The following MYOM1 variants were observed in gnomAD, a reference collection of about 807,000 sequenced individuals.
MYOM1 encodes the protein myomesin 1.
A neutral mutation model predicts 205.3 loss-of-function variants in MYOM1; 164 were observed. That is an observed-to-expected ratio of 0.80 (90% confidence interval 0.70 to 0.91). The LOEUF (loss-of-function observed/expected upper bound fraction) is 0.91. MYOM1 is among the 40% of genes least tolerant of loss of function. The pLI, the probability that MYOM1 is intolerant of heterozygous loss-of-function variation, is 0.00. For missense variants in MYOM1, 2,011 were observed against 2,127.3 expected (o/e 0.95, Z 1.08); for synonymous variants, 772 against 789.4 (o/e 0.98, Z 0.37).
At chr18:3,185,530 T>C (rs903746872) in intron 5 of MYOM1, among the ~76,000 whole-genome samples, 1 of 152,280 alleles carries the variant, frequency 6.6e-6, no homozygotes, top group Admixed American at 6.5e-5. Context: ...TAGGAAAGTT[T>C]GGAATTTTTT....
chr18:3,210,643 T>A (rs1026741705), intron 2 of MYOM1, among the ~76,000 whole-genome samples: 2 of 152,172 alleles, frequency 1.3e-5, no homozygotes, highest in Non-Finnish European at 2.9e-5. Context: ...TCTTGGTTAT[T>A]TTGGTATTCA....
chr18:3,142,273 T>C (rs1041710064), intron 13 of MYOM1, among the ~76,000 whole-genome samples: 4 of 152,032 alleles, frequency 2.6e-5, no homozygotes, highest in African/African-American at 9.7e-5. Flanking sequence ...TGGTTTTTTT[T>C]GGAGGGGGGG....
At chr18:3,199,374 TG>T (rs2081036105) in intron 2 of MYOM1, among the ~76,000 whole-genome samples, 1 of 152,124 alleles carries the variant, frequency 6.6e-6, no homozygotes, top group Non-Finnish European at 1.5e-5. Context: ...CAGGAAGATC[TG>T]GAAAATAAGG....
rs1227387683 is a variant in MYOM1 at position 3,157,798 on chromosome 18, G to A, written c.1502-2710C>T. Among the ~76,000 whole-genome samples, 14 of 151,632 alleles carry A rather than the reference G, an allele frequency of 9.2e-5. 1 individual carries two copies. The highest frequency in any genetic ancestry group is 9.2e-4 in the Admixed American group (14 of 15,192). On this transcript the variant is annotated intron_variant, in intron 10 of 37. Transcript: ENST00000356443. Reference sequence around the variant, plus strand: ...ACTTGGGATGACAAGAGGCAGCTGTGAAGCAAGGAAACACAGTATTTGGCT... The same window carrying A: ...ACTTGGGATGACAAGAGGCAGCTGTAAAGCAAGGAAACACAGTATTTGGCT...
chr18:3,242,320 C>T, the MYOM1 span, among the ~76,000 whole-genome samples: 2 of 152,072 alleles, frequency 1.3e-5, no homozygotes, highest in Non-Finnish European at 2.9e-5. Flanking sequence ...CTGTGCTATT[C>T]TCATGATAGT....
chr18:3,182,085 G>C (rs1362273815), intron 5 of MYOM1, among the ~76,000 whole-genome samples: 1 of 152,124 alleles, frequency 6.6e-6, no homozygotes, highest in Admixed American at 6.6e-5. Context: ...TGAGGATCTA[G>C]TCCAGTGTCC....
At position 3,140,079 on chromosome 18, in the gene MYOM1, C is replaced by A. The variant is rs548534933; in HGVS notation, c.2025+1860G>T. On this transcript the variant is annotated intron_variant, in intron 14 of 37. Transcript: ENST00000356443. ...ACACTAGGAAATGAACATTGATCCA[C>A]CACTCTATTTTTGCCATCTATTTTC... 5.3e-5 allele frequency among the ~76,000 whole-genome samples: 8 copies of A among 152,306 alleles called. No individual in the cohort carries two copies. In the East Asian group the frequency reaches 5.8e-4, roughly 11 times the overall value.
chr18:3,119,984 C>T lies in MYOM1; in HGVS notation c.3003G>A (p.Leu1001=), dbSNP rs754487227. The change falls in exon 20 of 38, where the codon TTG becomes TTA. Residue 1001 remains leucine, a synonymous_variant. Transcript: ENST00000356443. The part of the protein sequence containing the change: ...VSEEAYKISN[L]KENMVYQFQV... The stretch of plus-strand genomic sequence containing the variant: ...GGAACTGATACACCATGTTTTCCTT[C>T]AAGTTGCTAATCTGCAACATTGACA... 4.4e-6 allele frequency: 7 copies of T among 1,599,482 alleles called. No individual in the cohort carries two copies. The highest frequency in any genetic ancestry group is 1.7e-4 in the Middle Eastern group (1 of 5,962).
At chr18:3,204,380 T>G (rs2081106045) in intron 2 of MYOM1, among the ~76,000 whole-genome samples, 1 of 151,926 alleles carries the variant, frequency 6.6e-6, no homozygotes, top group African/African-American at 2.4e-5. Context: ...TTCAGCAAGG[T>G]CATAGGATAT....
rs778413922 is a variant in MYOM1, at chr18:3,129,428, C to G, written c.2598G>C (p.Pro866=). ...GCAAAGCATCTTTCTGGAAGGTTGG[C>G]GGGGAGGCTTCATGCACGCGCCCCC... is the stretch of plus-strand genomic sequence containing the variant. The part of the protein sequence containing the change: ...ASRGRVHEAS[P]PTFQKDALLG... Residue 866 remains proline (P), a synonymous_variant, in exon 18 of 38, where the codon CCG becomes CCC. Coordinates refer to ENST00000356443, the MANE Select transcript of MYOM1 (RefSeq NM_003803.4). 9.3e-6 allele frequency: 15 copies of G among 1,613,796 alleles called. No homozygotes were observed. The highest frequency in any genetic ancestry group is 1.7e-5 in the Admixed American group (1 of 60,000).
Position 3,120,010 on chromosome 18 carries a change from A to G in MYOM1, c.2992-15T>C, listed in dbSNP as rs1356970527. The G allele has an allele frequency of 6.3e-7, 1 of 1,575,680 alleles. No homozygotes were observed. The highest frequency in any genetic ancestry group is 1.4e-5 in the African/African-American group (1 of 73,738). On this transcript the variant is annotated splice_polypyrimidine_tract_variant and intron_variant, in intron 19 of 37. Coordinates refer to ENST00000356443, the MANE Select transcript of MYOM1 (RefSeq NM_003803.4). ...AAGTTGCTAATCTGCAACATTGACA[A>G]CATCACAGATACTGAATGTTCCAGG... is the stretch of plus-strand genomic sequence containing the variant.
intron 28 of MYOM1, 125 bp downstream of exon 28, chr18:3,089,412 T>C (rs2079193710): frequency 1.3e-6 from 1 of 798,964 alleles, no homozygotes; most frequent in Non-Finnish European, 1.9e-6. Flanking sequence ...TTTTTAATTA[T>C]TTTAATTTAC....
Position 3,214,926 on chromosome 18 carries a change from C to T in MYOM1, c.290+8G>A, listed in dbSNP as rs138605134. On this transcript the variant is annotated splice_region_variant and intron_variant, in intron 2 of 37. Transcript: ENST00000356443. ...GGTTGGAAGGTTGGAGGAGGGCGTCCGACATACCCATGGGAGGAGCCATAA... is the reference window on the plus strand; with the variant it reads ...GGTTGGAAGGTTGGAGGAGGGCGTCTGACATACCCATGGGAGGAGCCATAA... The T allele has an allele frequency of 3.1e-4, 491 of 1,574,248 alleles. 7 individuals carry two copies. In the East Asian group the frequency reaches 0.011, roughly 35 times the overall value.
rs55830599 is a variant in MYOM1, at chr18:3,143,900, CAAAAAA to C, written c.1901-1843_1901-1838del. On this transcript the variant is annotated intron_variant, in intron 13 of 37. Coordinates refer to ENST00000356443, the MANE Select transcript of MYOM1 (RefSeq NM_003803.4). ...TGGGCAACAGAGTGAGACCCTGTCT[CAAAAAA>C]AAAAAAAAAAAAAAAAAAGGCCAGG... Among the ~76,000 whole-genome samples the C allele has an allele frequency of 1.0e-4, 5 of 49,370 alleles. No homozygotes were observed. In the East Asian group the frequency reaches 3.0e-3, roughly 30 times the overall value. 32.4% of individuals were successfully genotyped at this position (49,370 alleles called of 152,430 possible). A position where few individuals can be genotyped will look rare whatever the true frequency, so the allele number is the denominator to read the frequency against.
At chr18:3,226,516 C>T in the MYOM1 span, among the ~76,000 whole-genome samples, 1 of 152,124 alleles carries the variant, frequency 6.6e-6, no homozygotes. The surrounding 1 kb of genome is among the most constrained non-coding windows in gnomAD (Gnocchi z 4.6). Context: ...CTCCAGCACC[C>T]CGGTTCCCTC....
Position 3,187,588 on chromosome 18 carries a change from A to C in MYOM1, c.821T>G (p.Leu274Arg). ...TTTAATGATAAACTCAGGAGCATGG[A>C]GAAGATGGTCTTCATTCAGCTTGGC... ...YHAKLNEDHLLHAPEFIIKPR... is the reference protein window; with the variant it reads ...YHAKLNEDHLRHAPEFIIKPR... Residue 274 changes from leucine to arginine, a missense_variant, in exon 5 of 38, where the codon CTC becomes CGC. Physicochemically the swap from Leu to Arg is moderately radical, Grantham distance 102. Transcript: ENST00000356443. 1.2e-6 allele frequency: 2 copies of C among 1,613,512 alleles called. No individual in the cohort carries two copies. The highest frequency in any genetic ancestry group is 1.7e-6 in the Non-Finnish European group (2 of 1,179,530).
At chr18:3,114,544 ATTTTTTTTTTT>A (rs5822738) in intron 21 of MYOM1, among the ~76,000 whole-genome samples, 3 of 88,374 alleles carry the variant, frequency 3.4e-5, no homozygotes. Context: ...TGGTCAGCTA[ATTTTTTTTTTT>A]TTTTTTTTTT....
At chr18:3,147,089 A>G (rs1308117435) in intron 13 of MYOM1, among the ~76,000 whole-genome samples, 2 of 146,016 alleles carry the variant, frequency 1.4e-5, no homozygotes, top group Non-Finnish European at 3.0e-5. Context: ...TAAATATTAT[A>G]CATTATAGAT....
intron 26 of MYOM1, 21 bp downstream of exon 26, chr18:3,094,149 T>C: frequency 6.2e-7 from 1 of 1,612,424 alleles, no homozygotes. Context: ...CATTAAAAAG[T>C]CTAAACAGTG....
Sources: gnomAD v4.1 joint callset for allele counts (sites outside exome capture counted in the v4.1 genomes callset) on GRCh38, gnomAD v4.1.1 for gene constraint, Gnocchi (gnomAD v3.1) non-coding constraint, MANE v1.5 for transcripts, NCBI Gene and HGNC (gene_info 2026-07-23, HGNC 2026-07-21) for gene names.